The following PLCB1 variants were observed in gnomAD, a reference collection of about 807,000 sequenced individuals.
The protein encoded by PLCB1 is 1-phosphatidylinositol 4,5-bisphosphate phosphodiesterase beta-1.
PLCB1 carries 46 observed loss-of-function variants against 161.8 expected under a neutral mutation model. The observed-to-expected ratio is 0.28, with a 90% CI of 0.22 to 0.36. PLCB1 has a LOEUF of 0.36. Ranked by LOEUF, PLCB1 falls within the 10% of genes least tolerant of loss-of-function variation. The probability of loss-of-function intolerance (pLI) is 1.00; values close to 1 mark genes in which losing one functional copy is unlikely to be tolerated. For missense variants in PLCB1, 1,016 were observed against 1,472.5 expected, an observed-to-expected ratio of 0.69 and a Z score of 5.07; for synonymous variants, 517 against 503.7, an observed-to-expected ratio of 1.03 and a Z score of -0.35.
intron 9 of PLCB1, among the ~76,000 whole-genome samples, chr20:8,669,938 A>G (rs779993431): frequency 6.6e-6 from 1 of 152,224 alleles, no homozygotes; most frequent in Non-Finnish European, 1.5e-5. Context: ...GGAACATAAC[A>G]TTCTGGTGAA....
chr20:8,760,270 T>A (rs367993676), intron 24 of PLCB1, 137 bp from the exon 25 acceptor site: 27 of 583,284 alleles, frequency 4.6e-5, no homozygotes, highest in East Asian at 3.5e-4. Context: ...ATAATTTTTA[T>A]AAAGAATTTT....
chr20:8,366,855 A>G (rs191535221), intron 2 of PLCB1, among the ~76,000 whole-genome samples: 1 of 152,292 alleles, frequency 6.6e-6, no homozygotes, highest in African/African-American at 2.4e-5. Context: ...AGGCACTTCA[A>G]TTCCTTTCTC....
At chr20:8,547,072 A>G (rs528496338) in intron 3 of PLCB1, among the ~76,000 whole-genome samples, 2 of 152,306 alleles carry the variant, frequency 1.3e-5, no homozygotes, top group Non-Finnish European at 2.9e-5. Context: ...TTTCTAGAAT[A>G]ATAACAGGAA....
At chr20:8,346,231 G>A (rs913888817) in intron 2 of PLCB1, among the ~76,000 whole-genome samples, 3 of 152,134 alleles carry the variant, frequency 2.0e-5, no homozygotes, top group Non-Finnish European at 4.4e-5. Flanking sequence ...ACCCTTCTGT[G>A]TTTTCTCTCC....
At chr20:8,484,006 G>A (rs141134737) in intron 3 of PLCB1, among the ~76,000 whole-genome samples, 45 of 152,208 alleles carry the variant, frequency 3.0e-4, no homozygotes, top group African/African-American at 9.6e-4. Flanking sequence ...TCTTGGACCC[G>A]TTGCTTCCTT....
chr20:8,413,212 CAT>C lies in PLCB1; in HGVS notation c.246+41765_246+41766del, dbSNP rs139021333. Among the ~76,000 whole-genome samples, 734 of 152,122 alleles carry C rather than the reference CAT, an allele frequency of 4.8e-3. 4 individuals carry two copies. The highest frequency in any genetic ancestry group is 0.017 in the African/African-American group (685 of 41,504). ...TTGCATTATTTTTATTTTAATATTA[CAT>C]ATGTTTAAACTATAAACAAGGAAGT... is the stretch of plus-strand genomic sequence containing the variant. On this transcript the variant is annotated intron_variant, in intron 3 of 31. Coordinates refer to ENST00000338037, the MANE Select transcript of PLCB1 (RefSeq NM_015192.4).
chr20:8,790,501 T>G (rs1983701848), intron 31 of PLCB1, among the ~76,000 whole-genome samples: 1 of 152,192 alleles, frequency 6.6e-6, no homozygotes, highest in Non-Finnish European at 1.5e-5. Context: ...AGATTTGGCT[T>G]TAACTAATCT....
intron 2 of PLCB1, among the ~76,000 whole-genome samples, chr20:8,318,481 T>A (rs1485785893): frequency 6.7e-6 from 1 of 149,262 alleles, no homozygotes; most frequent in Non-Finnish European, 1.5e-5. Flanking sequence ...TCATCCAGCT[T>A]GTTTCTCTGT....
intron 4 of PLCB1, among the ~76,000 whole-genome samples, chr20:8,643,906 T>A (rs1203528800): frequency 6.6e-6 from 1 of 152,168 alleles, no homozygotes; most frequent in African/African-American, 2.4e-5. Context: ...CTGATTCTCC[T>A]GCCTCAGCCT....
chr20:8,644,130 G>T (rs1385301466), intron 4 of PLCB1, among the ~76,000 whole-genome samples: 1 of 152,184 alleles, frequency 6.6e-6, no homozygotes, highest in Non-Finnish European at 1.5e-5. Flanking sequence ...GCAGTGGCGT[G>T]ATCTCGGCTC....
chr20:8,676,436 G>GAAAGAAAGAAAGAA (rs1568556522), intron 9 of PLCB1, among the ~76,000 whole-genome samples: 1 of 147,158 alleles, frequency 6.8e-6, no homozygotes, highest in African/African-American at 2.6e-5. Flanking sequence ...GAAAGAAAGA[G>GAAAGAAAGAAAGAA]AGAAAGAGTA....
At chr20:8,825,085 C>T (rs1985626203) in intron 31 of PLCB1, among the ~76,000 whole-genome samples, 2 of 152,190 alleles carry the variant, frequency 1.3e-5, no homozygotes, top group East Asian at 3.8e-4. Context: ...TCATTTTATT[C>T]ATTCACACGT....
intron 2 of PLCB1, among the ~76,000 whole-genome samples, chr20:8,304,669 C>CTTATGTAAATTCTAA (rs1230705047): frequency 1.3e-5 from 2 of 150,660 alleles, no homozygotes; most frequent in Non-Finnish European, 2.9e-5. Flanking sequence ...TCCACTTGCT[C>CTTATGTAAATTCTAA]TTATGTAAAT....
intron 3 of PLCB1, among the ~76,000 whole-genome samples, chr20:8,586,978 T>C (rs1473479120): frequency 6.6e-6 from 1 of 152,068 alleles, no homozygotes; most frequent in Non-Finnish European, 1.5e-5. Flanking sequence ...TTTGAAAGTA[T>C]GGGGGATGAG....
chr20:8,333,339 G>A (rs1461268897), intron 2 of PLCB1, among the ~76,000 whole-genome samples: 1 of 152,204 alleles, frequency 6.6e-6, no homozygotes, highest in African/African-American at 2.4e-5. Context: ...AGTGCCAAAA[G>A]TAAAAAGTGT....
At chr20:8,363,066 G>T (rs574187238) in intron 2 of PLCB1, among the ~76,000 whole-genome samples, 2 of 152,188 alleles carry the variant, frequency 1.3e-5, no homozygotes, top group South Asian at 2.1e-4. Flanking sequence ...TGACAGCATT[G>T]CAGTCATTTT....
intron 3 of PLCB1, among the ~76,000 whole-genome samples, chr20:8,376,686 T>C (rs1275554274): frequency 6.6e-6 from 1 of 152,148 alleles, no homozygotes; most frequent in Non-Finnish European, 1.5e-5. Flanking sequence ...CCCAGCACTT[T>C]GGGTGGCTGA....
intron 10 of PLCB1, among the ~76,000 whole-genome samples, chr20:8,685,908 C>T (rs1284178989): frequency 1.3e-5 from 2 of 152,136 alleles, no homozygotes; most frequent in African/African-American, 4.8e-5. Context: ...AAGCCTTGAC[C>T]TATTTGGCAG....
In PLCB1 at chr20:8,339,071, C is replaced by G. The variant is rs747653563; in HGVS notation, c.178-32311C>G. 3.7e-4 allele frequency among the ~76,000 whole-genome samples: 57 copies of G among 152,272 alleles called. 1 individual carries two copies. Among genetic ancestry groups the G allele is most frequent in the Non-Finnish European group, 8.8e-5 (6 of 68,020 alleles). Reference sequence around the variant, plus strand: ...CAGTTGATGGACATTTACATTCTTTCCAGTTGTAAGCTATGATGAGTACAG... The same window carrying G: ...CAGTTGATGGACATTTACATTCTTTGCAGTTGTAAGCTATGATGAGTACAG... On this transcript the variant is annotated intron_variant, in intron 2 of 31. Coordinates refer to ENST00000338037, the MANE Select transcript of PLCB1 (RefSeq NM_015192.4).
Sources: gnomAD v4.1 joint callset for allele counts (sites outside exome capture counted in the v4.1 genomes callset) on GRCh38, gnomAD v4.1.1 for gene constraint, MANE v1.5 for transcripts, NCBI Gene and HGNC (gene_info 2026-07-23, HGNC 2026-07-21) for gene names.